The following ZNF675 variants were observed in gnomAD, a reference collection of about 807,000 sequenced individuals.
The protein encoded by ZNF675 is zinc finger protein 675.
ZNF675 carries 36 observed loss-of-function variants against 56.1 expected under a neutral mutation model. The observed-to-expected ratio is 0.64, with a 90% CI of 0.49 to 0.85. The LOEUF is 0.85. Ranked by LOEUF, ZNF675 falls within the 40% of genes least tolerant of loss-of-function variation. The probability of loss-of-function intolerance (pLI) is 0.00; values close to 1 mark genes in which losing one functional copy is unlikely to be tolerated. For synonymous variants in ZNF675, 200 were observed against 218.9 expected (o/e 0.91, Z 0.76); for missense variants, 663 against 654.2 (o/e 1.01, Z -0.15).
At chr19:23,681,563 T>C (rs1452996889) in intron 1 of ZNF675, among the ~76,000 whole-genome samples, 1 of 151,680 alleles carries the variant, frequency 6.6e-6, no homozygotes, top group Non-Finnish European at 1.5e-5. Flanking sequence ...ACCAAATCTG[T>C]AGAGTTTACT....
chr19:23,676,992 G>A (rs1041287486), intron 1 of ZNF675, among the ~76,000 whole-genome samples: 2 of 140,380 alleles, frequency 1.4e-5, no homozygotes, highest in Non-Finnish European at 3.1e-5. Flanking sequence ...GAGAATGGCG[G>A]CGTTAACCCG....
At position 23,653,013 on chromosome 19, in the gene ZNF675, T is replaced by C. The variant is rs1322782889; in HGVS notation, c.*213A>G. On this transcript the variant is annotated 3_prime_UTR_variant, in exon 4 of 4. Transcript: ENST00000359788. ...ATATTTGTACAATTTTTCTTAAGTA[T>C]AAACGCTTTCCTGTGCAATAAGGTT... 6.4e-6 allele frequency: 3 copies of C among 469,534 alleles called. No homozygotes were observed. Among genetic ancestry groups the C allele is most frequent in the Non-Finnish European group, 1.1e-5 (3 of 271,164 alleles). The allele number at this position is 469,534 out of a possible 1,614,324, so 29.1% of individuals were successfully genotyped here. A position where few individuals can be genotyped will look rare whatever the true frequency, so the allele number is the denominator to read the frequency against.
Position 23,653,955 on chromosome 19 carries a change from G to T in ZNF675, c.978C>A (p.Thr326=). The change falls in exon 4 of 4, where the codon ACC becomes ACA. Residue 326 remains threonine, a synonymous_variant. Coordinates refer to ENST00000359788, the MANE Select transcript of ZNF675 (RefSeq NM_138330.3). ...ECGKAFTQSS[T]LTTHKRIHTG... is the part of the protein sequence containing the mutation. ...TATGAATTCTCTTATGTGTAGTAAG[G>T]GTTGAGGATTGGGTAAAAGCCTTGC... 3 of 1,612,522 alleles carry T rather than the reference G, an allele frequency of 1.9e-6. No individual in the cohort carries two copies. Among genetic ancestry groups the T allele is most frequent in the African/African-American group, 1.3e-5 (1 of 74,770 alleles).
At chr19:23,664,086 CAAAT>C (rs1568291125) in intron 1 of ZNF675, among the ~76,000 whole-genome samples, 1 of 152,048 alleles carries the variant, frequency 6.6e-6, no homozygotes, top group African/African-American at 2.4e-5. Context: ...GTAGTTAAAA[CAAAT>C]TCATTAGGGA....
At chr19:23,667,274 T>C (rs1325398728) in intron 1 of ZNF675, among the ~76,000 whole-genome samples, 1 of 152,120 alleles carries the variant, frequency 6.6e-6, no homozygotes, top group Non-Finnish European at 1.5e-5. Context: ...TTACAGCTCA[T>C]AAAAGCAGTG....
At chr19:23,675,267 C>T (rs1459304836) in intron 1 of ZNF675, among the ~76,000 whole-genome samples, 1 of 151,612 alleles carries the variant, frequency 6.6e-6, no homozygotes. Context: ...TGGGAGGCTA[C>T]AATACACCAC....
intron 1 of ZNF675, among the ~76,000 whole-genome samples, chr19:23,677,089 A>G (rs55927898): frequency 0.97 from 136,177 of 140,798 alleles, 66,145 homozygotes; most frequent in South Asian, 1. Flanking sequence ...AAAAAAAAAA[A>G]AGAGAAAAGA....
chr19:23,678,551 T>C (rs1344770287), intron 1 of ZNF675, among the ~76,000 whole-genome samples: 2 of 124,352 alleles, frequency 1.6e-5, no homozygotes, highest in Non-Finnish European at 3.3e-5. Flanking sequence ...ACACCTGGCC[T>C]CAAAAATATT....
At chr19:23,685,122 G>A (rs535915735) in intron 1 of ZNF675, among the ~76,000 whole-genome samples, 1 of 152,140 alleles carries the variant, frequency 6.6e-6, no homozygotes, top group African/African-American at 2.4e-5. Context: ...CCACCACCAC[G>A]CCCAGCTAAT....
Position 23,663,121 on chromosome 19 carries a change from G to A in ZNF675, c.41C>T (p.Ser14Phe), listed in dbSNP as rs1205358166. 1.9e-6 allele frequency: 3 copies of A among 1,610,726 alleles called. No homozygotes were observed. Among genetic ancestry groups the A allele is most frequent in the Non-Finnish European group, 2.5e-6 (3 of 1,178,674 alleles). Residue 14 changes from serine to phenylalanine, a missense_variant, in exon 2 of 4, where the codon TCT (serine) becomes TTT (phenylalanine). By Grantham distance (155) the Ser-to-Phe change is radical. Around this residue, in one of 3 missense-constraint regions of ZNF675, gnomAD observed 33 missense variants for 31.8 expected, o/e 1.04. Coordinates refer to ENST00000359788, the MANE Select transcript of ZNF675 (RefSeq NM_138330.3). ...LTFRDVAIEF[S>F]LEEWQCLDTA... is the part of the protein sequence containing the mutation. Reference sequence around the variant, plus strand: ...GTCCAGGCATTGCCATTCTTCCAGAGAGAATTCTATGGCCACATCCCTAAA... The same window carrying A: ...GTCCAGGCATTGCCATTCTTCCAGAAAGAATTCTATGGCCACATCCCTAAA...
chr19:23,684,604 A>G (rs1481054509), intron 1 of ZNF675, among the ~76,000 whole-genome samples: 1 of 152,028 alleles, frequency 6.6e-6, no homozygotes, highest in African/African-American at 2.4e-5. Flanking sequence ...AGATGGCACC[A>G]TTGAACTCCA....
chr19:23,668,452 C>T (rs1968183776), intron 1 of ZNF675, among the ~76,000 whole-genome samples: 1 of 151,624 alleles, frequency 6.6e-6, no homozygotes, highest in Admixed American at 6.6e-5. Context: ...ACTCAGGAGC[C>T]CAGCTGGCTT....
chr19:23,660,315 C>G (rs576108150), intron 3 of ZNF675, among the ~76,000 whole-genome samples: 21 of 152,054 alleles, frequency 1.4e-4, no homozygotes, highest in Non-Finnish European at 2.9e-4. Context: ...ACACAGATGC[C>G]AATGCAAAAC....
At chr19:23,672,812 T>G (rs1397743338) in intron 1 of ZNF675, among the ~76,000 whole-genome samples, 1 of 152,224 alleles carries the variant, frequency 6.6e-6, no homozygotes, top group African/African-American at 2.4e-5. Context: ...CTCAAGTTGC[T>G]TGGAATTTAT....
At position 23,654,125 on chromosome 19, in the gene ZNF675, G is replaced by A; in HGVS notation, c.808C>T (p.His270Tyr). ...TGAATTATCTTATGTGTAGTAAGGT[G>A]TGAGGACTGGTTAAAGGCTTTGCCA... ...ECGKAFNQSS[H>Y]LTTHKIIHTG... Residue 270 changes from histidine (H) to tyrosine (Y), a missense_variant, in exon 4 of 4, where the codon CAC becomes TAC. Around this residue, in one of 3 missense-constraint regions of ZNF675, gnomAD observed 617 missense variants for 590.5 expected, o/e 1.04. Coordinates refer to ENST00000359788, the MANE Select transcript of ZNF675 (RefSeq NM_138330.3). 1.9e-6 allele frequency: 3 copies of A among 1,612,916 alleles called. No individual in the cohort carries two copies. In the Middle Eastern group the frequency reaches 5.0e-4, roughly 267 times the overall value.
intron 1 of ZNF675, among the ~76,000 whole-genome samples, chr19:23,683,307 T>C (rs990651948): frequency 3.3e-5 from 5 of 151,798 alleles, no homozygotes; most frequent in Admixed American, 6.6e-5. Context: ...TCATAGGATA[T>C]AGAACAGATA....
intron 3 of ZNF675, chr19:23,658,803 C>CTAGAGA (rs1568288998): frequency 4.6e-3 from 11 of 2,412 alleles, no homozygotes; most frequent in Non-Finnish European, 0.015. Flanking sequence ...CTATAGATAT[C>CTAGAGA]TATAGAGATA....
intron 1 of ZNF675, among the ~76,000 whole-genome samples, chr19:23,667,719 T>C (rs569590079): frequency 3.3e-5 from 5 of 149,432 alleles, no homozygotes; most frequent in African/African-American, 1.0e-4. Context: ...ACGGTGCTGA[T>C]TGGAGTGTTT....
At chr19:23,671,375 TTGGTGATGTC>T (rs1428306819) in intron 1 of ZNF675, among the ~76,000 whole-genome samples, 1 of 152,130 alleles carries the variant, frequency 6.6e-6, no homozygotes, top group Non-Finnish European at 1.5e-5. Context: ...GCAGCCATCA[TTGGTGATGTC>T]CTGAATGCCC....
Sources: allele counts gnomAD v4.1 joint callset (sites outside exome capture counted in the v4.1 genomes callset), GRCh38; gene constraint gnomAD v4.1.1; regional missense constraint gnomAD v4.1.1; transcripts MANE v1.5; gene names NCBI Gene and HGNC (gene_info 2026-07-23, HGNC 2026-07-21).